PLCB1: variants seen among roughly 807,000 people sequenced by gnomAD.
PLCB1 encodes the protein 1-phosphatidylinositol 4,5-bisphosphate phosphodiesterase beta-1.
A neutral mutation model predicts 161.8 loss-of-function variants in PLCB1; 46 were observed. The observed-to-expected ratio is 0.28, with a 90% confidence interval of 0.22 to 0.36. PLCB1 has a LOEUF of 0.36. Ranked by LOEUF, PLCB1 falls within the 10% of genes least tolerant of loss-of-function variation. The probability of loss-of-function intolerance (pLI) is 1.00; values close to 1 mark genes in which losing one functional copy is unlikely to be tolerated. For missense variants in PLCB1, 1,016 were observed against 1,472.5 expected (o/e 0.69, Z 5.07); for synonymous variants, 517 against 503.7 (o/e 1.03, Z -0.35).
rs186032771 is a variant in PLCB1 at position 8,676,432 on chromosome 20, A to G, written c.863-8500A>G. On this transcript the variant is annotated intron_variant, in intron 9 of 31. Transcript: ENST00000338037. ...AAGAAAGAGAAGAAAGAAAGAAAGA[A>G]AGAGAGAAAGAGTACCATTTTGAAA... is the stretch of plus-strand genomic sequence containing the variant. 7.3e-3 allele frequency among the ~76,000 whole-genome samples: 1,081 copies of G among 148,136 alleles called. 8 individuals are homozygous for G. Among genetic ancestry groups the G allele is most frequent in the African/African-American group, 0.025 (938 of 38,270 alleles).
At chr20:8,644,626 C>T (rs1442057892) in intron 4 of PLCB1, among the ~76,000 whole-genome samples, 1 of 150,714 alleles carries the variant, frequency 6.6e-6, no homozygotes, top group East Asian at 1.9e-4. Flanking sequence ...AAGTGAGGAG[C>T]CCCTCTGCCC....
chr20:8,460,024 C>T (rs921586994), intron 3 of PLCB1, among the ~76,000 whole-genome samples: 1 of 152,168 alleles, frequency 6.6e-6, no homozygotes, highest in Admixed American at 6.5e-5. Context: ...CCACCTGAAC[C>T]AGTTTGGGTG....
At chr20:8,177,967 G>A (rs1188008913) in intron 2 of PLCB1, among the ~76,000 whole-genome samples, 2 of 145,720 alleles carry the variant, frequency 1.4e-5, no homozygotes, top group African/African-American at 5.2e-5. Context: ...CTGTTCCTGC[G>A]TTAGTTCACT....
intron 1 of PLCB1, among the ~76,000 whole-genome samples, chr20:8,136,452 C>T (rs1310319613): frequency 6.6e-5 from 10 of 151,968 alleles, no homozygotes; most frequent in Admixed American, 5.2e-4. Context: ...CGGTGAAACC[C>T]CCTCTCTACT....
intron 3 of PLCB1, among the ~76,000 whole-genome samples, chr20:8,414,140 CAAAA>C (rs60727694): frequency 2.1e-5 from 3 of 141,674 alleles, no homozygotes; most frequent in African/African-American, 7.7e-5. Flanking sequence ...ACTATCAAGA[CAAAA>C]AAAAAAGAAT....
rs750797408 is a variant in PLCB1 at position 8,632,034 on chromosome 20, G to GT, written c.384+3603_384+3604insT. ...GAGGAGACAAATATGGGTTTTTTTT[G>GT]CTTTTTTTTTTTTTTTTTTTTTTTT... On this transcript the variant is annotated intron_variant, in intron 4 of 31. Coordinates refer to ENST00000338037, the MANE Select transcript of PLCB1 (RefSeq NM_015192.4). Among the ~76,000 whole-genome samples the GT allele has an allele frequency of 2.4e-3, 194 of 81,730 alleles. 1 individual carries two copies. Among genetic ancestry groups the GT allele is most frequent in the Middle Eastern group, 8.3e-3 (1 of 120 alleles). 53.6% of individuals were successfully genotyped at this position (81,730 alleles called of 152,430 possible). A position where few individuals can be genotyped will look rare whatever the true frequency, so the allele number is the denominator to read the frequency against.
chr20:8,479,832 C>T (rs564140686), intron 3 of PLCB1, among the ~76,000 whole-genome samples: 9 of 152,256 alleles, frequency 5.9e-5, no homozygotes, highest in African/African-American at 1.2e-4. Context: ...TTGACGATTT[C>T]GAAATGAAAA....
intron 2 of PLCB1, among the ~76,000 whole-genome samples, chr20:8,322,232 A>C (rs1407728244): frequency 2.0e-5 from 3 of 152,024 alleles, no homozygotes; most frequent in Non-Finnish European, 4.4e-5. Flanking sequence ...ATCTCCCTCC[A>C]CTTCAGCTCT....
intron 3 of PLCB1, among the ~76,000 whole-genome samples, chr20:8,527,260 C>T (rs1189887674): frequency 2.6e-5 from 4 of 152,006 alleles, no homozygotes; most frequent in African/African-American, 9.6e-5. Context: ...ACCTAGTATC[C>T]ATTTCTGAGC....
Position 8,132,512 on chromosome 20 carries a change from G to C in PLCB1, c.-140G>C, listed in dbSNP as rs1023506568. ...CCGGAGGGAGGTGCGGAGGCCGGGA[G>C]GCCGGGGAGGCCGGCGGGGAGCAGA... On this transcript the variant is annotated 5_prime_UTR_variant, in exon 1 of 32. Transcript: ENST00000338037. The surrounding 1 kb of genome is among the most constrained non-coding windows in gnomAD (Gnocchi z 5.2). The C allele has an allele frequency of 1.4e-5, 6 of 428,456 alleles. No homozygotes were observed. Among genetic ancestry groups the C allele is most frequent in the Non-Finnish European group, 2.0e-5 (5 of 248,478 alleles). 26.5% of individuals were successfully genotyped at this position (428,456 alleles called of 1,614,324 possible).
chr20:8,746,172 T>G (rs930169756), intron 23 of PLCB1, among the ~76,000 whole-genome samples: 1 of 152,210 alleles, frequency 6.6e-6, no homozygotes, highest in Non-Finnish European at 1.5e-5. Flanking sequence ...CCTCAGGTGA[T>G]CCACCTGCCT....
chr20:8,440,838 T>TTA (rs139087766), intron 3 of PLCB1, among the ~76,000 whole-genome samples: 5,461 of 149,700 alleles, frequency 0.036, 160 homozygotes, highest in African/African-American at 0.09. Flanking sequence ...GTTTTTGATT[T>TTA]TATATATATA....
intron 31 of PLCB1, among the ~76,000 whole-genome samples, chr20:8,841,635 C>A (rs1228308067): frequency 1.3e-5 from 2 of 150,934 alleles, no homozygotes; most frequent in Non-Finnish European, 2.9e-5. Flanking sequence ...GCATGCAACT[C>A]CTGACTTATA....
intron 11 of PLCB1, among the ~76,000 whole-genome samples, chr20:8,698,736 A>C (rs1408590424): frequency 3.3e-5 from 5 of 152,176 alleles, no homozygotes; most frequent in Admixed American, 3.3e-4. Flanking sequence ...AGGGTTTTGC[A>C]GTGGATTGGG....
intron 2 of PLCB1, among the ~76,000 whole-genome samples, chr20:8,370,582 A>T (rs960189070): frequency 6.6e-6 from 1 of 152,132 alleles, no homozygotes; most frequent in South Asian, 2.1e-4. Flanking sequence ...GCATTTGCTC[A>T]TATTTTCCCC....
chr20:8,158,488 A>AT (rs1196730872), intron 2 of PLCB1, among the ~76,000 whole-genome samples: 1 of 152,180 alleles, frequency 6.6e-6, no homozygotes, highest in Non-Finnish European at 1.5e-5. Flanking sequence ...CAGCCAAACC[A>AT]TATCATTCTG....
chr20:8,604,612 G>A (rs950482867), intron 3 of PLCB1, among the ~76,000 whole-genome samples: 2 of 152,162 alleles, frequency 1.3e-5, no homozygotes, highest in African/African-American at 4.8e-5. Context: ...GCAAAACAAG[G>A]GAAAGCATTA....
At position 8,711,146 on chromosome 20, in the gene PLCB1, A is replaced by G. The variant is rs542815566; in HGVS notation, c.1250+2394A>G. Among the ~76,000 whole-genome samples, 3 of 152,378 alleles carry G rather than the reference A, an allele frequency of 2.0e-5. No individual in the cohort carries two copies. The South Asian group carries it at 6.2e-4, about 32-fold the overall frequency. On this transcript the variant is annotated intron_variant, in intron 12 of 31. Transcript: ENST00000338037. Reference sequence around the variant, plus strand: ...TTGCTCAAGGCCATGTAACTAAAACATGACAGAGATGGGATTCCAATCCAG... The same window carrying G: ...TTGCTCAAGGCCATGTAACTAAAACGTGACAGAGATGGGATTCCAATCCAG...
At chr20:8,403,202 C>A (rs1158616747) in intron 3 of PLCB1, among the ~76,000 whole-genome samples, 1 of 152,088 alleles carries the variant, frequency 6.6e-6, no homozygotes, top group Non-Finnish European at 1.5e-5. Flanking sequence ...ATGATTCTTA[C>A]CTTTGAAACC....
Sources: allele counts gnomAD v4.1 joint callset (sites outside exome capture counted in the v4.1 genomes callset), GRCh38; gene constraint gnomAD v4.1.1; non-coding constraint Gnocchi (gnomAD v3.1); transcripts MANE v1.5; gene names NCBI Gene and HGNC (gene_info 2026-07-23, HGNC 2026-07-21).